The following NUMB variants were observed in gnomAD, a reference collection of about 807,000 sequenced individuals.
NUMB encodes protein numb homolog.
NUMB carries 29 observed loss-of-function variants against 59.7 expected under a neutral mutation model. The ratio of observed to expected loss-of-function variants is 0.49; its 90% confidence interval spans 0.36 to 0.66. The LOEUF is 0.66. Among genes scored for constraint, NUMB ranks in the 30% least tolerant of loss-of-function variants. NUMB has a pLI of 0.00. For synonymous variants in NUMB, 288 were observed against 288.2 expected (o/e 1.00, Z 0.01); for missense variants, 723 against 822.0 (o/e 0.88, Z 1.47).
intron 1 of NUMB, among the ~76,000 whole-genome samples, chr14:73,436,033 A>G (rs914194946): frequency 1.6e-4 from 25 of 152,070 alleles, no homozygotes; most frequent in African/African-American, 5.1e-4. Context: ...AATGACACAA[A>G]TATCAATAGA....
Position 73,421,176 on chromosome 14 carries a change from G to GT in NUMB, c.-232-11109dup, listed in dbSNP as rs754415805. ...AAGAAAAGGAAAGTTTTTTTTTGGT[G>GT]TTTTTGTTTGTTTGTTTGTTTGTTT... On this transcript the variant is annotated intron_variant, in intron 1 of 12. Transcript: ENST00000555238. Among the ~76,000 whole-genome samples the GT allele has an allele frequency of 8.5e-4, 129 of 151,150 alleles. 3 individuals carry two copies. The highest frequency in any genetic ancestry group is 3.8e-3 in the South Asian group (18 of 4,766).
chr14:73,349,327 C>G (rs1267241536), intron 4 of NUMB, among the ~76,000 whole-genome samples: 1 of 152,174 alleles, frequency 6.6e-6, no homozygotes, highest in Non-Finnish European at 1.5e-5. Context: ...GTGGCTCATA[C>G]CTGTAATCCT....
At chr14:73,452,793 G>GCT (rs955428801) in intron 1 of NUMB, among the ~76,000 whole-genome samples, 53 of 152,220 alleles carry the variant, frequency 3.5e-4, no homozygotes, top group African/African-American at 1.2e-3. Flanking sequence ...TCCTTCCAAG[G>GCT]CTCTCATCCT....
At chr14:73,446,188 A>C (rs543437093) in intron 1 of NUMB, among the ~76,000 whole-genome samples, 3 of 151,882 alleles carry the variant, frequency 2.0e-5, no homozygotes, top group Non-Finnish European at 4.4e-5. Flanking sequence ...GTAGAGATGA[A>C]GTTTCACTGT....
intron 2 of NUMB, among the ~76,000 whole-genome samples, chr14:73,389,489 A>C (rs1895739119): frequency 6.6e-6 from 1 of 151,538 alleles, no homozygotes; most frequent in Admixed American, 6.6e-5. Flanking sequence ...CACCCGGCTA[A>C]TTTTTTGTGT....
chr14:73,371,762 C>T (rs1894685122), intron 2 of NUMB, among the ~76,000 whole-genome samples: 1 of 152,146 alleles, frequency 6.6e-6, no homozygotes, highest in South Asian at 2.1e-4. Flanking sequence ...GCTTGCTTTT[C>T]CACTTTTTGG....
chr14:73,347,934 T>C (rs1893001590), intron 4 of NUMB, among the ~76,000 whole-genome samples: 2 of 152,202 alleles, frequency 1.3e-5, no homozygotes, highest in Non-Finnish European at 2.9e-5. Flanking sequence ...CTAAAATACA[T>C]TTGTAACCCC....
intron 5 of NUMB, among the ~76,000 whole-genome samples, chr14:73,318,905 T>C (rs989234829): frequency 6.6e-6 from 1 of 152,238 alleles, no homozygotes; most frequent in African/African-American, 2.4e-5. Context: ...GTTAATGTAA[T>C]TCTAAATTGT....
chr14:73,357,035 C>T (rs1354087111), intron 3 of NUMB: 1 of 967,708 alleles, frequency 1.0e-6, no homozygotes, highest in African/African-American at 1.8e-5. Context: ...ATCAGAATGC[C>T]TTTCCATATC....
intron 2 of NUMB, among the ~76,000 whole-genome samples, chr14:73,385,754 G>A (rs767617623): frequency 1.3e-4 from 20 of 151,776 alleles, no homozygotes; most frequent in African/African-American, 2.4e-4. Context: ...CACCAGCCTC[G>A]GCCTCCCAAA....
intron 2 of NUMB, among the ~76,000 whole-genome samples, chr14:73,380,724 GTTTTTTTTT>G (rs759209884): frequency 7.6e-6 from 1 of 131,220 alleles, no homozygotes; most frequent in Non-Finnish European, 1.6e-5. Context: ...TCATCAATTA[GTTTTTTTTT>G]TTTTTTTTTG....
At chr14:73,378,525 TAAAC>T (rs946143677) in intron 2 of NUMB, among the ~76,000 whole-genome samples, 57 of 152,272 alleles carry the variant, frequency 3.7e-4, no homozygotes, top group African/African-American at 1.2e-3. Context: ...GGTGAATAGA[TAAAC>T]AAACTGTGGT....
intron 4 of NUMB, among the ~76,000 whole-genome samples, chr14:73,332,605 T>C (rs1302284501): frequency 6.6e-6 from 1 of 151,834 alleles, no homozygotes. Flanking sequence ...GCTGTCATCA[T>C]TCCTGCCTTG....
At chr14:73,398,686 T>G (rs1426967250) in intron 2 of NUMB, among the ~76,000 whole-genome samples, 1 of 151,834 alleles carries the variant, frequency 6.6e-6, no homozygotes, top group Admixed American at 6.6e-5. Flanking sequence ...ATTAAAACAA[T>G]ATACTTCTTT....
chr14:73,355,624 ACCTTAACCG>A lies in NUMB; in HGVS notation c.119_126+1del. 6.2e-7 allele frequency: 1 copy of A among 1,612,358 alleles called. No individual in the cohort carries two copies. The highest frequency in any genetic ancestry group is 8.5e-7 in the Non-Finnish European group (1 of 1,179,432). On this transcript the variant is annotated splice_donor_variant and coding_sequence_variant, in exon 4 of 13. Coordinates refer to ENST00000555238, the MANE Select transcript of NUMB (RefSeq NM_001005743.2). LOFTEE classifies it high-confidence loss of function. Reference sequence around the variant, plus strand: ...CAGACTTATAGAAACATCAGCTCTTACCTTAACCGGGAAGCTACATTTTCCGGTGCGAAC... The same window carrying A: ...CAGACTTATAGAAACATCAGCTCTTAGGAAGCTACATTTTCCGGTGCGAAC...
intron 12 of NUMB, among the ~76,000 whole-genome samples, chr14:73,277,971 T>C (rs1238308718): frequency 1.4e-5 from 2 of 142,530 alleles, no homozygotes; most frequent in African/African-American, 5.2e-5. Flanking sequence ...GGCAAGAGAG[T>C]TGCTTGAACC....
intron 1 of NUMB, among the ~76,000 whole-genome samples, chr14:73,414,326 T>C (rs1312242961): frequency 6.6e-6 from 1 of 152,192 alleles, no homozygotes; most frequent in East Asian, 1.9e-4. Flanking sequence ...TTATATGGTC[T>C]TAAAGGAAAA....
chr14:73,383,783 A>AG (rs200153880), intron 2 of NUMB, among the ~76,000 whole-genome samples: 3,586 of 152,250 alleles, frequency 0.024, 56 homozygotes, highest in Non-Finnish European at 0.035. Flanking sequence ...TGGGAGGCTG[A>AG]GGTGGGCAGA....
intron 1 of NUMB, among the ~76,000 whole-genome samples, chr14:73,427,295 A>T (rs1336889970): frequency 1.3e-5 from 2 of 151,834 alleles, no homozygotes; most frequent in Admixed American, 6.6e-5. Context: ...AACATGGTGA[A>T]ATTTTGTAAA....
Sources: gnomAD v4.1 joint callset for allele counts (sites outside exome capture counted in the v4.1 genomes callset) on GRCh38, gnomAD v4.1.1 for gene constraint, MANE v1.5 for transcripts, NCBI Gene and HGNC (gene_info 2026-07-23, HGNC 2026-07-21) for gene names.